The following STYK1 variants were observed in gnomAD, a reference collection of about 807,000 sequenced individuals.
STYK1 encodes the protein tyrosine-protein kinase STYK1.
STYK1 carries 46 observed loss-of-function variants against 48.1 expected under a neutral mutation model. The observed-to-expected ratio is 0.96, with a 90% confidence interval of 0.75 to 1.22. The LOEUF is 1.22. STYK1 is among the 50% of genes most tolerant of loss of function. The pLI is 0.00. For synonymous variants in STYK1, 188 were observed against 189.0 expected (o/e 0.99, Z 0.04); for missense variants, 527 against 521.1 (o/e 1.01, Z -0.11).
intron 1 of STYK1, among the ~76,000 whole-genome samples, chr12:10,667,980 A>G (rs983880704): frequency 6.6e-6 from 1 of 152,212 alleles, no homozygotes; most frequent in East Asian, 1.9e-4. Context: ...CTTTAAGCCA[A>G]CGGATGGATA....
chr12:10,623,162 C>A (rs1051017009), intron 8 of STYK1, among the ~76,000 whole-genome samples: 1 of 151,052 alleles, frequency 6.6e-6, no homozygotes, highest in African/African-American at 2.5e-5. Context: ...ACAGGGCAAG[C>A]TTTATATATA....
intron 1 of STYK1, among the ~76,000 whole-genome samples, chr12:10,642,822 G>A (rs1947559819): frequency 1.3e-5 from 2 of 152,148 alleles, no homozygotes; most frequent in Admixed American, 1.3e-4. Flanking sequence ...ATAGCATAAT[G>A]CTGTAAAGTA....
At chr12:10,665,226 C>T (rs1947822252) in intron 1 of STYK1, among the ~76,000 whole-genome samples, 1 of 152,232 alleles carries the variant, frequency 6.6e-6, no homozygotes, top group Non-Finnish European at 1.5e-5. Flanking sequence ...TTCTGTACCA[C>T]TATGATCACA....
chr12:10,660,012 G>T (rs961038480), intron 1 of STYK1, among the ~76,000 whole-genome samples: 1 of 152,252 alleles, frequency 6.6e-6, no homozygotes, highest in South Asian at 2.1e-4. Flanking sequence ...AAACAAGATG[G>T]ATGGGTAATA....
At chr12:10,625,304 G>A (rs760989070) in intron 7 of STYK1, among the ~76,000 whole-genome samples, 13 of 152,038 alleles carry the variant, frequency 8.6e-5, no homozygotes, top group Non-Finnish European at 1.6e-4. Flanking sequence ...TGCAAGCTCC[G>A]CCTCCTGGGT....
At chr12:10,629,401 G>T in intron 6 of STYK1, 92 bp downstream of exon 6, 2 of 1,317,458 alleles carry the variant, frequency 1.5e-6, no homozygotes, top group Non-Finnish European at 2.1e-6. Flanking sequence ...TAGTGTCTCT[G>T]CATTTTGTCA....
At chr12:10,661,721 T>C (rs768311355) in intron 1 of STYK1, among the ~76,000 whole-genome samples, 20 of 152,240 alleles carry the variant, frequency 1.3e-4, no homozygotes, top group Admixed American at 4.6e-4. Flanking sequence ...ACACAGCTAG[T>C]AAGCAGTGAA....
rs184522995 is a variant in STYK1 at position 10,658,366 on chromosome 12, C to T, written c.-195+15600G>A. 2.1e-4 allele frequency among the ~76,000 whole-genome samples: 32 copies of T among 152,038 alleles called. No individual in the cohort carries two copies. In the East Asian group the frequency reaches 4.6e-3, roughly 22 times the overall value. ...GATTTTTGTGTAATATTTTTAAAAA[C>T]GAAATTTTGTTTGCCTTTTGAATAA... On this transcript the variant is annotated intron_variant, in intron 1 of 10. Coordinates refer to ENST00000075503, the MANE Select transcript of STYK1 (RefSeq NM_018423.3).
At chr12:10,664,934 C>A (rs1425129980) in intron 1 of STYK1, among the ~76,000 whole-genome samples, 1 of 152,140 alleles carries the variant, frequency 6.6e-6, no homozygotes, top group Non-Finnish European at 1.5e-5. Context: ...CTTCATATTG[C>A]ATGTGGAAAC....
chr12:10,645,425 G>A (rs192820911), intron 1 of STYK1, among the ~76,000 whole-genome samples: 3 of 152,152 alleles, frequency 2.0e-5, no homozygotes, highest in Admixed American at 2.0e-4. Context: ...GATAAGAAAG[G>A]GAACTGGTAA....
intron 7 of STYK1, among the ~76,000 whole-genome samples, chr12:10,626,906 C>CT (rs776390718): frequency 6.6e-6 from 1 of 152,124 alleles, no homozygotes; most frequent in Non-Finnish European, 1.5e-5. Context: ...ACTCGGGAGG[C>CT]TAAGGCAGGA....
chr12:10,645,822 T>C (rs1047356901), intron 1 of STYK1, among the ~76,000 whole-genome samples: 1 of 152,162 alleles, frequency 6.6e-6, no homozygotes, highest in Non-Finnish European at 1.5e-5. Flanking sequence ...TGGGAGGTAA[T>C]TGAATCATAG....
rs1287178951 is a variant in STYK1 at position 10,629,581 on chromosome 12, C to T, written c.545G>A (p.Gly182Asp). The T allele has an allele frequency of 1.2e-6, 2 of 1,614,200 alleles. No individual in the cohort carries two copies. The highest frequency in any genetic ancestry group is 2.2e-5 in the South Asian group (2 of 91,080). ...GAGTGGCAGCTTTTCAGTGCAGCAG[C>T]CTTCCAGCTGCACCAGGTTTTTGTG... The part of the protein sequence containing the change: ...GKHKNLVQLE[G>D]CCTEKLPLYM... The change falls in exon 6 of 11, where the codon GGC becomes GAC. Residue 182 changes from glycine to aspartate, a missense_variant. Coordinates refer to ENST00000075503, the MANE Select transcript of STYK1 (RefSeq NM_018423.3).
intron 1 of STYK1, among the ~76,000 whole-genome samples, chr12:10,639,764 G>A (rs1947524105): frequency 6.6e-6 from 1 of 152,184 alleles, no homozygotes; most frequent in African/African-American, 2.4e-5. Flanking sequence ...GCACACCCAG[G>A]TCTTTTACTT....
At chr12:10,656,417 G>T (rs1947719061) in intron 1 of STYK1, among the ~76,000 whole-genome samples, 1 of 152,128 alleles carries the variant, frequency 6.6e-6, no homozygotes, top group Non-Finnish European at 1.5e-5. Context: ...ACGAGGTCAG[G>T]AGATAGAGAC....
At chr12:10,622,752 A>G (rs1865927642) in intron 8 of STYK1, 74 bp from the exon 9 acceptor site, 1 of 1,570,984 alleles carries the variant, frequency 6.4e-7, no homozygotes, top group Non-Finnish European at 8.7e-7. Context: ...AAGTGTCAGA[A>G]GCCTTTAATA....
At chr12:10,654,213 CA>C (rs1387761709) in intron 1 of STYK1, among the ~76,000 whole-genome samples, 4 of 152,174 alleles carry the variant, frequency 2.6e-5, no homozygotes, top group Admixed American at 2.0e-4. Context: ...CTTCACTTCC[CA>C]ACCCTTTCCC....
At chr12:10,629,298 C>T (rs1947393682) in intron 6 of STYK1, among the ~76,000 whole-genome samples, 195 bp downstream of exon 6, 1 of 152,190 alleles carries the variant, frequency 6.6e-6, no homozygotes, top group Admixed American at 6.5e-5. Flanking sequence ...TGATTAGTGG[C>T]TTATCATACT....
Position 10,634,651 on chromosome 12 carries a change from C to T in STYK1, c.-33G>A. 6.2e-7 allele frequency: 1 copy of T among 1,613,570 alleles called. No individual in the cohort carries two copies. Among genetic ancestry groups the T allele is most frequent in the Non-Finnish European group, 8.5e-7 (1 of 1,179,788 alleles). On this transcript the variant is annotated 5_prime_UTR_variant, in exon 3 of 11. It introduces an in-frame stop codon into an upstream open reading frame of the 5' UTR. Coordinates refer to ENST00000075503, the MANE Select transcript of STYK1 (RefSeq NM_018423.3). ...GGGCTGTCCCCTTCCCTGCTAGGCC[C>T]ACAGAGAATGCACACAGCACAGCTG...
Sources: gnomAD v4.1 joint callset for allele counts (sites outside exome capture counted in the v4.1 genomes callset) on GRCh38, gnomAD v4.1.1 for gene constraint, MANE v1.5 for transcripts, NCBI Gene and HGNC (gene_info 2026-07-23, HGNC 2026-07-21) for gene names.